The following SESN1 variants were observed in gnomAD, a reference collection of about 807,000 sequenced individuals.
The protein encoded by SESN1 is sestrin-1.
In SESN1, 30 loss-of-function variants were observed where a neutral mutation model predicts 59.3. The ratio of observed to expected loss-of-function variants is 0.51; its 90% confidence interval spans 0.38 to 0.69. The LOEUF (loss-of-function observed/expected upper bound fraction) is 0.69, where lower values mean the gene tolerates loss of function less well. SESN1 is among the 30% of genes least tolerant of loss of function. The pLI is 0.00. For missense variants in SESN1, 566 were observed against 673.0 expected (o/e 0.84, Z 1.76); for synonymous variants, 197 against 219.9 (o/e 0.90, Z 0.92).
intron 1 of SESN1, among the ~76,000 whole-genome samples, chr6:109,012,539 C>G (rs1006589793): frequency 6.6e-5 from 10 of 152,058 alleles, no homozygotes; most frequent in African/African-American, 2.4e-4. Context: ...TAACAGAGAA[C>G]TATGAAATAT....
chr6:109,050,527 T>C (rs1351475491), intron 1 of SESN1, among the ~76,000 whole-genome samples: 5 of 152,160 alleles, frequency 3.3e-5, no homozygotes, highest in Non-Finnish European at 7.3e-5. Context: ...GAAAAATTAG[T>C]TGGACTGGTC....
At chr6:109,030,832 T>C (rs117756277) in intron 1 of SESN1, among the ~76,000 whole-genome samples, 18 of 152,348 alleles carry the variant, frequency 1.2e-4, no homozygotes, top group Non-Finnish European at 2.6e-4. Flanking sequence ...TATTCCTATA[T>C]TACCCATGAA....
chr6:109,032,961 T>C (rs762877206), intron 1 of SESN1, among the ~76,000 whole-genome samples: 3 of 152,164 alleles, frequency 2.0e-5, no homozygotes, highest in Non-Finnish European at 2.9e-5. Context: ...AGGTATTTCA[T>C]TGTATACAAA....
chr6:108,990,682 C>T lies in SESN1; in HGVS notation c.1387G>A (p.Ala463Thr). 6.2e-7 allele frequency: 1 copy of T among 1,614,052 alleles called. No homozygotes were observed. Among genetic ancestry groups the T allele is most frequent in the Non-Finnish European group, 8.5e-7 (1 of 1,179,994 alleles). Residue 463 changes from alanine to threonine, a missense_variant, in exon 8 of 10, where the codon GCA (alanine) becomes ACA (threonine). By Grantham distance (58) the Ala-to-Thr change is moderately conservative. Coordinates refer to ENST00000436639, the MANE Select transcript of SESN1 (RefSeq NM_014454.3). ...ATGCAGTGAATATAGTTCCAAATTG[C>T]CCGTCTAAGCATTGAGGTATCAACA... Reference protein sequence around the residue: ...KDVDTSMLRRAIWNYIHCMFG... With the variant: ...KDVDTSMLRRTIWNYIHCMFG...
At chr6:109,005,709 T>A (rs1779718323) in intron 1 of SESN1, among the ~76,000 whole-genome samples, 1 of 152,190 alleles carries the variant, frequency 6.6e-6, no homozygotes, top group Admixed American at 6.5e-5. Flanking sequence ...CTGTCTCCCC[T>A]CTTCCTTAGC....
chr6:109,037,279 A>G (rs1048651856), intron 1 of SESN1, among the ~76,000 whole-genome samples: 2 of 152,180 alleles, frequency 1.3e-5, no homozygotes, highest in Non-Finnish European at 2.9e-5. Context: ...GGTTATAAAA[A>G]TTTTGTTTTT....
At chr6:109,007,785 C>CTT (rs3083610) in intron 1 of SESN1, among the ~76,000 whole-genome samples, 24 of 103,312 alleles carry the variant, frequency 2.3e-4, no homozygotes, top group East Asian at 3.0e-4. Context: ...AGTCCAGGTA[C>CTT]TTTTTTTTTT....
chr6:108,994,698 CTTTT>C (rs11395949), intron 5 of SESN1, 89 bp from the exon 6 acceptor site: 1,574 of 290,962 alleles, frequency 5.4e-3, no homozygotes, highest in East Asian at 9.6e-3. Flanking sequence ...GAATTTATAT[CTTTT>C]TTTTTTTTTT....
intron 6 of SESN1, 85 bp from the exon 7 acceptor site, chr6:108,992,984 CTCTT>C: frequency 1.2e-6 from 1 of 813,642 alleles, no homozygotes; most frequent in Non-Finnish European, 2.1e-6. Flanking sequence ...AATGGCATAA[CTCTT>C]TCTCTGATAC....
chr6:109,090,721 T>TAGGCGGAAGGAG (rs1781298894), intron 1 of SESN1: 1 of 152,270 alleles, frequency 6.6e-6, no homozygotes, highest in South Asian at 2.1e-4. Context: ...AGAGGTGGAA[T>TAGGCGGAAGGAG]AGGCGGAAGG....
chr6:109,035,903 C>T (rs1181848736), intron 1 of SESN1, among the ~76,000 whole-genome samples: 2 of 152,200 alleles, frequency 1.3e-5, no homozygotes, highest in Non-Finnish European at 2.9e-5. Context: ...CACTGCACCA[C>T]TATCACATAT....
chr6:109,000,756 TAA>T (rs1779603902), intron 3 of SESN1, 83 bp from the exon 4 acceptor site: 2 of 1,122,554 alleles, frequency 1.8e-6, no homozygotes, highest in African/African-American at 1.6e-5. Context: ...GCAAAAGAGC[TAA>T]TTAAGTTTAT....
At chr6:109,007,805 T>G (rs1344981156) in intron 1 of SESN1, among the ~76,000 whole-genome samples, 1 of 132,974 alleles carries the variant, frequency 7.5e-6, no homozygotes, top group East Asian at 2.0e-4. Flanking sequence ...TTTTTTTTTT[T>G]GCCTTCTATG....
intron 1 of SESN1, among the ~76,000 whole-genome samples, chr6:109,086,585 T>C (rs1781216686): frequency 6.6e-6 from 1 of 152,190 alleles, no homozygotes; most frequent in Admixed American, 6.5e-5. Context: ...GGTCTGCACA[T>C]ACAGCACCTT....
chr6:109,054,956 G>A (rs1780604809), intron 1 of SESN1, among the ~76,000 whole-genome samples: 1 of 152,170 alleles, frequency 6.6e-6, no homozygotes. Flanking sequence ...AGCTCTATTT[G>A]TTAGTATGAG....
In SESN1 at chr6:108,987,623, A is replaced by G; in HGVS notation, c.1577T>C (p.Val526Ala). Reference sequence around the variant, plus strand: ...CCTAGCTTCTATAAGAAGCAGATTAACATGAACCTGAATATAAAATACAAC... The same window carrying G: ...CCTAGCTTCTATAAGAAGCAGATTAGCATGAACCTGAATATAAAATACAAC... ...RQFKHSEKVH[V>A]NLLLIEARMQ... The change falls in exon 10 of 10, where the codon GTT becomes GCT. Residue 526 changes from valine (V) to alanine (A), a missense_variant. Transcript: ENST00000436639. 1 of 1,572,072 alleles carries G rather than the reference A, an allele frequency of 6.4e-7. No individual in the cohort carries two copies. Among genetic ancestry groups the G allele is most frequent in the Non-Finnish European group, 8.7e-7 (1 of 1,143,316 alleles).
intron 1 of SESN1, among the ~76,000 whole-genome samples, chr6:109,007,923 GTTTAA>G: frequency 6.6e-6 from 1 of 151,536 alleles, no homozygotes; most frequent in East Asian, 1.9e-4. Context: ...TCTTGAAAGT[GTTTAA>G]TTTAAAAGCA....
At chr6:109,039,594 C>T (rs1780307144) in intron 1 of SESN1, among the ~76,000 whole-genome samples, 1 of 152,206 alleles carries the variant, frequency 6.6e-6, no homozygotes, top group South Asian at 2.1e-4. Context: ...ACTAAAACAT[C>T]TCAAGTGGAG....
At position 109,027,895 on chromosome 6, in the gene SESN1, A is replaced by G. The variant is rs374967076; in HGVS notation, c.280-25552T>C. On this transcript the variant is annotated intron_variant, in intron 1 of 9. Coordinates refer to ENST00000436639, the MANE Select transcript of SESN1 (RefSeq NM_014454.3). ...ATATATTTGTGAAGTATCAGTTCAA[A>G]CCTTTTGTCCATTTTTTATTGGGTT... Among the ~76,000 whole-genome samples the G allele has an allele frequency of 2.6e-5, 4 of 152,072 alleles. No homozygotes were observed. The East Asian group carries it at 7.7e-4, about 29-fold the overall frequency.
Sources: allele counts gnomAD v4.1 joint callset (sites outside exome capture counted in the v4.1 genomes callset), GRCh38; gene constraint gnomAD v4.1.1; transcripts MANE v1.5; gene names NCBI Gene and HGNC (gene_info 2026-07-23, HGNC 2026-07-21).